SERPINE3: variants seen among roughly 807,000 people sequenced by gnomAD.
SERPINE3 encodes serpin family E member 3.
SERPINE3 carries 43 observed loss-of-function variants against 41.7 expected under a neutral mutation model. That is an observed-to-expected ratio of 1.03 (90% CI 0.81 to 1.33). The LOEUF is 1.33. Among genes scored for constraint, SERPINE3 ranks in the 40% most tolerant of loss-of-function variants. The probability of loss-of-function intolerance (pLI) is 0.00; values close to 1 mark genes in which losing one functional copy is unlikely to be tolerated. For missense variants in SERPINE3, 440 were observed against 491.7 expected (o/e 0.89, Z 0.99); for synonymous variants, 200 against 192.2 (o/e 1.04, Z -0.34).
chr13:51,353,068 A>G (rs1226024589), intron 6 of SERPINE3, among the ~76,000 whole-genome samples: 2 of 152,106 alleles, frequency 1.3e-5, no homozygotes, highest in Non-Finnish European at 2.9e-5. Flanking sequence ...TTCTTGTAAT[A>G]TCCTTGTCTG....
chr13:51,361,538 GAAGAA>G, intron 8 of SERPINE3, 174 bp downstream of exon 8: 1 of 595,298 alleles, frequency 1.7e-6, no homozygotes, highest in East Asian at 2.8e-5. Flanking sequence ...AAATGACGGG[GAAGAA>G]GAGATATCCA....
chr13:51,349,828 T>A (rs965915489), intron 6 of SERPINE3, among the ~76,000 whole-genome samples: 39 of 152,224 alleles, frequency 2.6e-4, no homozygotes, highest in Non-Finnish European at 3.5e-4. Context: ...TAATTTTTTT[T>A]AAATCTCCTT....
chr13:51,345,505 G>A (rs576448132), intron 4 of SERPINE3, among the ~76,000 whole-genome samples: 12 of 143,818 alleles, frequency 8.3e-5, no homozygotes, highest in Admixed American at 3.7e-4. Context: ...TGAGGCAGGA[G>A]AATCGCTTGA....
intron 7 of SERPINE3, among the ~76,000 whole-genome samples, chr13:51,358,799 T>C (rs1226034232): frequency 1.3e-5 from 2 of 151,754 alleles, no homozygotes; most frequent in Non-Finnish European, 2.9e-5. Context: ...GTAGGAAGAG[T>C]ATCACCCCTT....
chr13:51,358,352 A>G (rs965997765), intron 7 of SERPINE3, among the ~76,000 whole-genome samples: 3 of 152,168 alleles, frequency 2.0e-5, no homozygotes, highest in African/African-American at 7.2e-5. Flanking sequence ...TGAGGATGAA[A>G]TGTTGGGACA....
chr13:51,344,306 G>T lies in SERPINE3; in HGVS notation c.311G>T (p.Ser104Ile), dbSNP rs1194933565. Reference sequence around the variant, plus strand: ...GTTTATGCCACACTACCCACCTCCAGCCAAGGCACCGAGATGGAGCTGGCC... The same window carrying T: ...GTTTATGCCACACTACCCACCTCCATCCAAGGCACCGAGATGGAGCTGGCC... ...HAVYATLPTS[S>I]QGTEMELACS... Residue 104 changes from serine (S) to isoleucine (I), a missense_variant, in exon 4 of 10, where the codon AGC becomes ATC. Ser to Ile is a moderately radical substitution (Grantham distance 142). Transcript: ENST00000681248. The T allele has an allele frequency of 6.2e-7, 1 of 1,613,932 alleles. No homozygotes were observed. The highest frequency in any genetic ancestry group is 8.5e-7 in the Non-Finnish European group (1 of 1,179,870).
chr13:51,362,095 T>C (rs1955590063), intron 9 of SERPINE3: 18 of 1,506,970 alleles, frequency 1.2e-5, no homozygotes, highest in Non-Finnish European at 1.6e-5. Context: ...CCTCCATGTT[T>C]TTTACCTTCT....
chr13:51,350,768 CCCATAT>C (rs1161904048), intron 6 of SERPINE3, among the ~76,000 whole-genome samples: 2 of 152,058 alleles, frequency 1.3e-5, no homozygotes, highest in Non-Finnish European at 2.9e-5. Context: ...AAAAAGAAAC[CCCATAT>C]CCATTAGCAG....
Position 51,364,231 on chromosome 13 carries a change from C to T in SERPINE3, c.1172-8C>T. 7.1e-7 allele frequency: 1 copy of T among 1,408,260 alleles called. No individual in the cohort carries two copies. Among genetic ancestry groups the T allele is most frequent in the Non-Finnish European group, 9.6e-7 (1 of 1,046,348 alleles). The allele number at this position is 1,408,260 out of a possible 1,614,324, so 87.2% of individuals were successfully genotyped here. A position where few individuals can be genotyped will look rare whatever the true frequency, so the allele number is the denominator to read the frequency against. On this transcript the variant is annotated splice_region_variant and splice_polypyrimidine_tract_variant and intron_variant, in intron 9 of 9. Coordinates refer to ENST00000681248, the MANE Select transcript of SERPINE3 (RefSeq NM_001386375.1). ...TATATAATATTAAATTCTTCTTTTTCTTGACAGGGTTTGTCTTCAGTATTG... is the reference window on the plus strand; with the variant it reads ...TATATAATATTAAATTCTTCTTTTTTTTGACAGGGTTTGTCTTCAGTATTG...
chr13:51,346,814 G>A (rs1219351684), intron 4 of SERPINE3, among the ~76,000 whole-genome samples: 1 of 152,182 alleles, frequency 6.6e-6, no homozygotes, highest in Non-Finnish European at 1.5e-5. Flanking sequence ...CTGGTGCCTT[G>A]GGTCCCTGAC....
intron 6 of SERPINE3, among the ~76,000 whole-genome samples, chr13:51,349,792 T>C (rs1027353219): frequency 6.6e-5 from 10 of 152,212 alleles, no homozygotes; most frequent in Non-Finnish European, 1.3e-4. Context: ...AACACAACTA[T>C]TAGTTAGCAC....
intron 6 of SERPINE3, among the ~76,000 whole-genome samples, chr13:51,351,013 T>C (rs775774465): frequency 6.6e-6 from 1 of 152,210 alleles, no homozygotes; most frequent in Non-Finnish European, 1.5e-5. Flanking sequence ...TCCATTGTAT[T>C]GATATAGTAC....
chr13:51,348,141 C>G, intron 5 of SERPINE3, 72 bp from the exon 6 acceptor site: 1 of 1,207,536 alleles, frequency 8.3e-7, no homozygotes, highest in Non-Finnish European at 1.2e-6. Context: ...GCCAGCCTCT[C>G]TCAGGGTCCG....
At position 51,341,078 on chromosome 13, in the gene SERPINE3, C is replaced by G; in HGVS notation, c.-14C>G. On this transcript the variant is annotated 5_prime_UTR_variant, in exon 3 of 10. Transcript: ENST00000681248. ...ATCTCTTCCCTCTGAATTGCAGGAA[C>G]CCTCCCAGCCTCCATGCCGCCTTTC... 1 of 1,611,498 alleles carries G rather than the reference C, an allele frequency of 6.2e-7. No individual in the cohort carries two copies. The highest frequency in any genetic ancestry group is 8.5e-7 in the Non-Finnish European group (1 of 1,178,260).
intron 9 of SERPINE3, chr13:51,363,954 T>C: frequency 4.4e-6 from 1 of 225,766 alleles, no homozygotes; most frequent in Non-Finnish European, 8.5e-6. Context: ...CTGAATCTCT[T>C]TCCTAGATAC....
intron 7 of SERPINE3, among the ~76,000 whole-genome samples, chr13:51,356,956 C>A (rs1368945772): frequency 6.6e-6 from 1 of 152,132 alleles, no homozygotes; most frequent in African/African-American, 2.4e-5. Flanking sequence ...AATTTTCTCT[C>A]ATGAAGTTTT....
intron 9 of SERPINE3, chr13:51,363,345 T>A (rs1955620490): frequency 6.6e-6 from 1 of 151,956 alleles, no homozygotes; most frequent in African/African-American, 2.4e-5. Flanking sequence ...TACCTCTATC[T>A]GGGAGGCATT....
At chr13:51,340,925 G>A in intron 2 of SERPINE3, 64 bp downstream of exon 2, 1 of 684,766 alleles carries the variant, frequency 1.5e-6, no homozygotes, top group Non-Finnish European at 2.4e-6. Context: ...TGGGCCTCAG[G>A]GTAGGTAACC....
intron 8 of SERPINE3, chr13:51,361,598 T>C: frequency 3.4e-6 from 2 of 589,392 alleles, no homozygotes; most frequent in African/African-American, 1.9e-5. Context: ...AAGGAATTTA[T>C]TCCATGGAAT....
Sources: gnomAD v4.1 joint callset for allele counts (sites outside exome capture counted in the v4.1 genomes callset) on GRCh38, gnomAD v4.1.1 for gene constraint, MANE v1.5 for transcripts, NCBI Gene and HGNC (gene_info 2026-07-23, HGNC 2026-07-21) for gene names.